DNASE2B: variants seen among roughly 807,000 people sequenced by gnomAD.
The protein encoded by DNASE2B is deoxyribonuclease-2-beta.
Under a neutral mutation model 46.0 loss-of-function variants are expected in DNASE2B, and 43 were observed. The ratio of observed to expected loss-of-function variants is 0.94; its 90% CI spans 0.73 to 1.21. DNASE2B has a LOEUF of 1.21. Ranked by LOEUF, DNASE2B falls within the 50% of genes most tolerant of loss-of-function variation. DNASE2B has a pLI of 0.00. For synonymous variants in DNASE2B, 156 were observed against 152.5 expected (o/e 1.02, Z -0.17); for missense variants, 395 against 414.4 (o/e 0.95, Z 0.41).
chr1:84,405,056 C>T (rs56694889), intron 2 of DNASE2B, among the ~76,000 whole-genome samples: 1 of 152,210 alleles, frequency 6.6e-6, no homozygotes, highest in African/African-American at 2.4e-5. Flanking sequence ...TTCTTGATGG[C>T]ATCTGGGAAT....
At chr1:84,403,210 G>A (rs1411958100) in intron 2 of DNASE2B, among the ~76,000 whole-genome samples, 1 of 152,100 alleles carries the variant, frequency 6.6e-6, no homozygotes, top group African/African-American at 2.4e-5. Flanking sequence ...TAGGGGTGCC[G>A]GCCCTCATGC....
At position 84,411,425 on chromosome 1, in the gene DNASE2B, G is replaced by GGT. The variant is rs71097845; in HGVS notation, c.547+483_547+484dup. 1.9e-4 allele frequency among the ~76,000 whole-genome samples: 27 copies of GGT among 139,342 alleles called. No individual in the cohort carries two copies. The East Asian group carries it at 4.3e-3, about 22-fold the overall frequency. 91.4% of individuals were successfully genotyped at this position (139,342 alleles called of 152,430 possible). On this transcript the variant is annotated intron_variant, in intron 4 of 5. Coordinates refer to ENST00000370665, the MANE Select transcript of DNASE2B (RefSeq NM_021233.3). The stretch of plus-strand genomic sequence containing the variant: ...TTCTCATGAAGTACCAGAAACCTAG[G>GGT]GTGTGTGTGTGTGTGTGTGTGTGTG...
chr1:84,408,408 G>C (rs769985305), intron 2 of DNASE2B, 29 bp from the exon 3 acceptor site: 4 of 1,580,234 alleles, frequency 2.5e-6, no homozygotes, highest in Non-Finnish European at 2.6e-6. Flanking sequence ...GAAGATTTAC[G>C]CCATTATAAC....
intron 5 of DNASE2B, among the ~76,000 whole-genome samples, chr1:84,413,332 T>C (rs1680635689): frequency 6.6e-6 from 1 of 152,236 alleles, no homozygotes; most frequent in South Asian, 2.1e-4. Context: ...CTGTCTTAGA[T>C]GACCTCACTG....
intron 5 of DNASE2B, among the ~76,000 whole-genome samples, 198 bp downstream of exon 5, chr1:84,412,744 A>T (rs1680623643): frequency 6.6e-6 from 1 of 151,742 alleles, no homozygotes; most frequent in African/African-American, 2.4e-5. Flanking sequence ...TCTCACAACC[A>T]TCCAGCCACG....
rs781737808 is a variant in DNASE2B, at chr1:84,412,492, T to C, written c.691T>C (p.Ser231Pro). 1.2e-6 allele frequency: 2 copies of C among 1,613,854 alleles called. No homozygotes were observed. The highest frequency in any genetic ancestry group is 1.7e-6 in the Non-Finnish European group (2 of 1,179,836). The change falls in exon 5 of 6, where the codon TCG becomes CCG. Residue 231 changes from serine to proline, a missense_variant. Transcript: ENST00000370665. ...IPGRLLTTLQ[S>P]AQGQKFLHFA... ...TGGCAGGCTCCTCACCACACTTCAG[T>C]CGGCCCAGGGACAAAAATTCCTCCA...
intron 2 of DNASE2B, among the ~76,000 whole-genome samples, chr1:84,405,919 T>C (rs950504003): frequency 2.0e-5 from 3 of 152,238 alleles, no homozygotes; most frequent in Admixed American, 2.0e-4. Flanking sequence ...TAAATTTTGA[T>C]GAATTTTAAC....
chr1:84,408,230 C>A, intron 2 of DNASE2B: 1 of 673,228 alleles, frequency 1.5e-6, no homozygotes, highest in Non-Finnish European at 2.1e-6. Context: ...GAGTAAAAAT[C>A]ATGCACAGTT....
Position 84,412,442 on chromosome 1 carries a change from C to T in DNASE2B, c.641C>T (p.Thr214Ile). 1 of 1,613,954 alleles carries T rather than the reference C, an allele frequency of 6.2e-7. No individual in the cohort carries two copies. The highest frequency in any genetic ancestry group is 8.5e-7 in the Non-Finnish European group (1 of 1,179,892). Residue 214 changes from threonine (T) to isoleucine (I), a missense_variant, in exon 5 of 6, where the codon ACC (threonine) becomes ATC (isoleucine). Thr to Ile is a moderately conservative substitution (Grantham distance 89). Coordinates refer to ENST00000370665, the MANE Select transcript of DNASE2B (RefSeq NM_021233.3). Reference protein sequence around the residue: ...QELIHMPQLCTRASSSEIPGR... With the variant: ...QELIHMPQLCIRASSSEIPGR... ...CTCATTCACATGCCCCAGCTGTGCA[C>T]CAGGGCCAGCTCATCAGAGATTCCT...
intron 5 of DNASE2B, among the ~76,000 whole-genome samples, chr1:84,413,037 C>T (rs925036725): frequency 2.7e-5 from 4 of 150,072 alleles, no homozygotes. Context: ...GTGATGCACC[C>T]CCTATGCTCT....
chr1:84,408,125 G>A (rs1280024806), intron 2 of DNASE2B: 1 of 189,148 alleles, frequency 5.3e-6, no homozygotes, highest in African/African-American at 2.3e-5. Flanking sequence ...ATTATACACT[G>A]GTTGCTTAAT....
chr1:84,408,623 T>C, intron 3 of DNASE2B, 105 bp downstream of exon 3: 2 of 830,854 alleles, frequency 2.4e-6, no homozygotes, highest in Non-Finnish European at 3.4e-6. Flanking sequence ...ATAGCCTTTC[T>C]TCTTAATAGT....
rs1465066177 is a variant in DNASE2B, at chr1:84,409,202, T to A, written c.385+684T>A. On this transcript the variant is annotated intron_variant, in intron 3 of 5. Coordinates refer to ENST00000370665, the MANE Select transcript of DNASE2B (RefSeq NM_021233.3). ...TTTCTACTTTTTCTAAAATACATAT[T>A]TTAAAACATTTTTACAAAACTACTG... 4.6e-5 allele frequency among the ~76,000 whole-genome samples: 7 copies of A among 152,174 alleles called. No homozygotes were observed. In the East Asian group the frequency reaches 1.3e-3, roughly 29 times the overall value.
intron 3 of DNASE2B, among the ~76,000 whole-genome samples, chr1:84,409,397 T>C (rs1051248514): frequency 6.6e-6 from 1 of 152,146 alleles, no homozygotes; most frequent in African/African-American, 2.4e-5. Context: ...GGACACAATT[T>C]TCCAGGAGAT....
At chr1:84,401,085 A>C (rs3956461) in intron 1 of DNASE2B, among the ~76,000 whole-genome samples, 75,739 of 151,914 alleles carry the variant, frequency 0.5, 18,854 homozygotes, top group Middle Eastern at 0.57. Context: ...GGTTCATGCT[A>C]TTAGAAAGTA....
intron 2 of DNASE2B, 177 bp from the exon 3 acceptor site, chr1:84,408,260 C>A: frequency 9.6e-7 from 1 of 1,044,952 alleles, no homozygotes; most frequent in Non-Finnish European, 1.2e-6. Context: ...CTTTCTTTCC[C>A]CTGTCTTTCA....
chr1:84,412,546 G>A lies in DNASE2B; in HGVS notation c.745G>A (p.Asp249Asn), dbSNP rs377035595. ...HFAKSDSFLD[D>N]IFAAWMAQRL... ...TGCAAAGTCGGATTCTTTTCTTGACGGTATGAAAGACCATCATCAAACAAC... is the reference window on the plus strand; with the variant it reads ...TGCAAAGTCGGATTCTTTTCTTGACAGTATGAAAGACCATCATCAAACAAC... Residue 249 changes from aspartate to asparagine, a missense_variant and splice_region_variant, in exon 5 of 6, where the codon GAC (aspartate) becomes AAC (asparagine). Transcript: ENST00000370665. 3.6e-5 allele frequency: 58 copies of A among 1,601,548 alleles called. No individual in the cohort carries two copies. The African/African-American group carries it at 3.6e-4, about 10-fold the overall frequency.
chr1:84,405,597 A>C (rs1415765657), intron 2 of DNASE2B, among the ~76,000 whole-genome samples: 2 of 152,168 alleles, frequency 1.3e-5, no homozygotes, highest in Non-Finnish European at 2.9e-5. Context: ...GGTTTTATTC[A>C]AGGTTTCTGA....
At chr1:84,408,408 G>A (rs769985305) in intron 2 of DNASE2B, 29 bp from the exon 3 acceptor site, 15 of 1,580,116 alleles carry the variant, frequency 9.5e-6, no homozygotes, top group South Asian at 5.9e-5. Context: ...GAAGATTTAC[G>A]CCATTATAAC....
Sources: gnomAD v4.1 joint callset for allele counts (sites outside exome capture counted in the v4.1 genomes callset) on GRCh38, gnomAD v4.1.1 for gene constraint, MANE v1.5 for transcripts, NCBI Gene and HGNC (gene_info 2026-07-23, HGNC 2026-07-21) for gene names.